ZNF320: variants seen among roughly 807,000 people sequenced by gnomAD.
ZNF320 encodes zinc finger gene 320.
In ZNF320, 2 loss-of-function variants were observed where a neutral mutation model predicts 6.8. The observed-to-expected ratio is 0.29, with a 90% CI of 0.12 to 0.93. The LOEUF (loss-of-function observed/expected upper bound fraction) is 0.93. Among genes scored for constraint, ZNF320 ranks in the 40% least tolerant of loss-of-function variants. The pLI is 0.55. For missense variants in ZNF320, 472 were observed against 611.0 expected, an observed-to-expected ratio of 0.77 and a Z score of 2.40; for synonymous variants, 208 against 203.2, an observed-to-expected ratio of 1.02 and a Z score of -0.20.
Position 52,890,322 on chromosome 19 carries a change from G to C in ZNF320, c.-67C>G, listed in dbSNP as rs183978292. The C allele has an allele frequency of 1.3e-6, 2 of 1,572,932 alleles. No homozygotes were observed. Among genetic ancestry groups the C allele is most frequent in the Non-Finnish European group, 1.7e-6 (2 of 1,156,604 alleles). Reference sequence around the variant, plus strand: ...CCTCAGGTACCAAGAGTCTTTAGAAGTCAATCCTAAATGTTAGAAATATGT... The same window carrying C: ...CCTCAGGTACCAAGAGTCTTTAGAACTCAATCCTAAATGTTAGAAATATGT... On this transcript the variant is annotated 5_prime_UTR_variant, in exon 4 of 6. Coordinates refer to ENST00000682928, the MANE Select transcript of ZNF320 (RefSeq NM_001351774.2).
Position 52,880,640 on chromosome 19 carries a change from A to C in ZNF320, c.1486T>G (p.Cys496Gly), listed in dbSNP as rs1388310731. The C allele has an allele frequency of 6.2e-7, 1 of 1,613,138 alleles. No individual in the cohort carries two copies. Among genetic ancestry groups the C allele is most frequent in the South Asian group, 1.1e-5 (1 of 90,886 alleles). Residue 496 changes from cysteine to glycine, a missense_variant, in exon 6 of 6, where the codon TGT becomes GGT. Physicochemically the swap from Cys to Gly is radical, Grantham distance 159. Around this residue, in one of 2 missense-constraint regions of ZNF320, gnomAD observed 462 missense variants for 559.7 expected, o/e 0.83. Transcript: ENST00000682928. ...TTGCTATACTCATTGCACTTGAAAC[A>C]ATTGTCTCCAAAAGGAATTTTCTGA... is the stretch of plus-strand genomic sequence containing the variant. ...EHQKIPFGDN[C>G]FKCNEYSKPS...
intron 1 of ZNF320, chr19:52,895,594 T>G (rs2064445980): frequency 6.6e-6 from 1 of 152,180 alleles, no homozygotes; most frequent in Non-Finnish European, 1.5e-5. Context: ...GCGGATCACC[T>G]GAGGTCAGGA....
chr19:52,883,373 T>G (rs1482791933), intron 5 of ZNF320, among the ~76,000 whole-genome samples: 1 of 152,092 alleles, frequency 6.6e-6, no homozygotes, highest in East Asian at 1.9e-4. Context: ...GTTTGTGACA[T>G]TAACGAAGGG....
chr19:52,881,921 T>A lies in ZNF320; in HGVS notation c.205A>T (p.Ile69Phe). ...TGTCTCTGCAATGTCCCTGTGTGGA[T>A]CACTTCTGTATTGCCTTGCCCTGTT... ...SSTGQGNTEV[I>F]HTGTLQRQAS... Residue 69 changes from isoleucine (I) to phenylalanine (F), a missense_variant, in exon 6 of 6, where the codon ATC (isoleucine) becomes TTC (phenylalanine). Physicochemically the swap from Ile to Phe is conservative, Grantham distance 21. Coordinates refer to ENST00000682928, the MANE Select transcript of ZNF320 (RefSeq NM_001351774.2). 19 of 1,611,802 alleles carry A rather than the reference T, an allele frequency of 1.2e-5. No individual in the cohort carries two copies. Among genetic ancestry groups the A allele is most frequent in the Non-Finnish European group, 1.1e-5 (13 of 1,178,988 alleles).
upstream of ZNF320, among the ~76,000 whole-genome samples, chr19:52,901,223 TATA>T (rs1161144009): frequency 6.6e-6 from 1 of 152,218 alleles, no homozygotes; most frequent in East Asian, 1.9e-4. Flanking sequence ...CTGGTACACT[TATA>T]ATAACTATAA....
chr19:52,870,589 GTATT>G (rs2063663683), intron 5 of ZNF320, among the ~76,000 whole-genome samples: 1 of 151,530 alleles, frequency 6.6e-6, no homozygotes, highest in African/African-American at 2.4e-5. Flanking sequence ...ATCCATCCAT[GTATT>G]TATGCACACA....
intron 5 of ZNF320, chr19:52,883,815 TTTGAAC>T: frequency 3.2e-6 from 1 of 314,426 alleles, no homozygotes; most frequent in Non-Finnish European, 6.2e-6. Context: ...GCAGGAATCA[TTTGAAC>T]CCAGGAGGCG....
chr19:52,896,794 C>G (rs2064487176), intron 1 of ZNF320, among the ~76,000 whole-genome samples: 1 of 152,130 alleles, frequency 6.6e-6, no homozygotes, highest in Non-Finnish European at 1.5e-5. Context: ...CTTTCTAAAA[C>G]TAGACAAAAA....
chr19:52,883,602 A>G (rs1358929980), intron 5 of ZNF320: 3 of 455,586 alleles, frequency 6.6e-6, no homozygotes, highest in African/African-American at 6.0e-5. Flanking sequence ...ATTATAAGGA[A>G]TAAGAATTGA....
At chr19:52,884,068 C>T (rs895104497) in intron 5 of ZNF320, among the ~76,000 whole-genome samples, 1 of 152,076 alleles carries the variant, frequency 6.6e-6, no homozygotes. Flanking sequence ...GAGCTCATTG[C>T]CTGTTCCTCT....
rs535550794 is a variant in ZNF320, at chr19:52,877,706, G to C, written c.*2890C>G. 6.6e-6 allele frequency: 1 copy of C among 152,336 alleles called. No homozygotes were observed. The highest frequency in any genetic ancestry group is 2.4e-5 in the African/African-American group (1 of 41,594). 9.4% of individuals were successfully genotyped at this position (152,336 alleles called of 1,614,324 possible). The stretch of plus-strand genomic sequence containing the variant: ...ATGGAAGGCAGGTTTGTCTGACGCA[G>C]TTCCCAGATTGACTTTTCTCTTTGG... On this transcript the variant is annotated 3_prime_UTR_variant, in exon 6 of 6. Transcript: ENST00000682928.
upstream of ZNF320, among the ~76,000 whole-genome samples, chr19:52,899,078 AGATT>A (rs2064552209): frequency 6.6e-6 from 1 of 152,146 alleles, no homozygotes; most frequent in South Asian, 2.1e-4. Context: ...TTTGTGTAAT[AGATT>A]GATAGTGATT....
rs977316053 is a variant in ZNF320 at position 52,881,836 on chromosome 19, A to G, written c.290T>C (p.Phe97Ser). The G allele has an allele frequency of 3.1e-6, 5 of 1,613,706 alleles. No individual in the cohort carries two copies. The highest frequency in any genetic ancestry group is 4.2e-6 in the Non-Finnish European group (5 of 1,179,852). ...SQEIEKDIHD[F>S]VFQWQEDETN... is the part of the protein sequence containing the mutation. The stretch of plus-strand genomic sequence containing the variant: ...TTCATCTTCTTGCCACTGAAACACA[A>G]AGTCATGAATGTCTTTCTCAATTTC... The change falls in exon 6 of 6, where the codon TTT (phenylalanine) becomes TCT (serine). Residue 97 changes from phenylalanine to serine, a missense_variant. This residue lies in a region of ZNF320 where 462 missense variants were observed against 559.7 expected (regional missense o/e 0.83). Coordinates refer to ENST00000682928, the MANE Select transcript of ZNF320 (RefSeq NM_001351774.2).
At chr19:52,888,445 C>T (rs553727420) in intron 4 of ZNF320, 192 bp from the exon 5 acceptor site, 3 of 162,658 alleles carry the variant, frequency 1.8e-5, no homozygotes, top group Admixed American at 1.5e-4. Flanking sequence ...CTCAGGATAC[C>T]CTCTCAGTAT....
chr19:52,901,686 T>C (rs936070877), upstream of ZNF320, among the ~76,000 whole-genome samples: 1 of 152,222 alleles, frequency 6.6e-6, no homozygotes, highest in African/African-American at 2.4e-5. Context: ...GGTATCTAGT[T>C]AGTCTAGCGT....
Position 52,865,432 on chromosome 19 carries a change from CT to C in ZNF320, c.224-1274del, listed in dbSNP as rs199736368. 6.2e-5 allele frequency: 7 copies of C among 113,084 alleles called. 1 individual carries two copies. Among genetic ancestry groups the C allele is most frequent in the African/African-American group, 3.6e-4 (7 of 19,384 alleles). 7.0% of individuals were successfully genotyped at this position (113,084 alleles called of 1,614,324 possible). ...TAAAGCGTTCTGTGCAGGGTCCAGG[CT>C]TTATATATATATATATATGTAATAC... is the stretch of plus-strand genomic sequence containing the variant. On this transcript the variant is annotated intron_variant, in intron 5 of 5. Transcript: ENST00000673631.
upstream of ZNF320, among the ~76,000 whole-genome samples, chr19:52,898,497 T>A (rs1799425783): frequency 6.6e-6 from 1 of 152,146 alleles, no homozygotes. Flanking sequence ...AAGGGATTTT[T>A]AAAAAAAGCA....
chr19:52,864,535 A>G lies in ZNF320; in HGVS notation c.224-376T>C, dbSNP rs144428744. 5.2e-3 allele frequency among the ~76,000 whole-genome samples: 798 copies of G among 152,252 alleles called. 9 individuals carry two copies. The highest frequency in any genetic ancestry group is 0.016 in the African/African-American group (679 of 41,550). On this transcript the variant is annotated intron_variant, in intron 5 of 5. Transcript: ENST00000673631. ...AAGTCAGGGCCAGCCATAGTGGCTC[A>G]AGCGTGTAATCCCAGCACGTTGAGA... is the stretch of plus-strand genomic sequence containing the variant.
the ZNF320 span, among the ~76,000 whole-genome samples, chr19:52,904,176 G>A: frequency 1.3e-5 from 2 of 152,232 alleles, no homozygotes; most frequent in African/African-American, 2.4e-5. Context: ...TTAATCCTCC[G>A]TGGGGGCCTG....
Sources: allele counts gnomAD v4.1 joint callset (sites outside exome capture counted in the v4.1 genomes callset), GRCh38; gene constraint gnomAD v4.1.1; regional missense constraint gnomAD v4.1.1; transcripts MANE v1.5; gene names NCBI Gene and HGNC (gene_info 2026-07-23, HGNC 2026-07-21).